ARHGAP26: variants seen among roughly 807,000 people sequenced by gnomAD.
The protein encoded by ARHGAP26 is Rho GTPase activating protein 26.
In ARHGAP26, 38 loss-of-function variants were observed where a neutral mutation model predicts 104.8. That is an observed-to-expected ratio of 0.36 (90% CI 0.28 to 0.48). ARHGAP26 has a LOEUF of 0.48. Among genes scored for constraint, ARHGAP26 ranks in the 20% least tolerant of loss-of-function variants. The probability of loss-of-function intolerance (pLI) is 0.99; values close to 1 mark genes in which losing one functional copy is unlikely to be tolerated. For synonymous variants in ARHGAP26, 341 were observed against 340.0 expected (o/e 1.00, Z -0.03); for missense variants, 704 against 947.9 (o/e 0.74, Z 3.38).
intron 20 of ARHGAP26, among the ~76,000 whole-genome samples, chr5:143,159,553 C>T (rs994959619): frequency 2.0e-5 from 3 of 152,190 alleles, no homozygotes; most frequent in Admixed American, 2.0e-4. Context: ...GATGGCACAT[C>T]AGCACCACAT....
chr5:143,213,413 A>C (rs7705435), intron 21 of ARHGAP26, among the ~76,000 whole-genome samples: 57,736 of 151,912 alleles, frequency 0.38, 13,284 homozygotes, highest in African/African-American at 0.65. Context: ...CACCTTGTCT[A>C]TTCCCTCCCC....
intron 11 of ARHGAP26, among the ~76,000 whole-genome samples, chr5:142,951,564 C>T (rs1768388744): frequency 2.0e-5 from 3 of 152,142 alleles, no homozygotes; most frequent in Admixed American, 1.3e-4. Flanking sequence ...AGCTAACTTT[C>T]AGGGCTTGAT....
intron 1 of ARHGAP26, among the ~76,000 whole-genome samples, chr5:142,793,086 T>G (rs972274016): frequency 2.0e-5 from 3 of 152,066 alleles, no homozygotes; most frequent in Non-Finnish European, 4.4e-5. Flanking sequence ...AATCCACTCC[T>G]GCCCTCGAGT....
At chr5:142,949,993 G>C (rs1165558480) in intron 11 of ARHGAP26, among the ~76,000 whole-genome samples, 1 of 152,248 alleles carries the variant, frequency 6.6e-6, no homozygotes, top group East Asian at 1.9e-4. Context: ...ATCCAGAAAA[G>C]TAATGGCACA....
At chr5:143,213,801 C>T (rs1368914466) in intron 21 of ARHGAP26, among the ~76,000 whole-genome samples, 196 bp from the exon 22 acceptor site, 1 of 152,192 alleles carries the variant, frequency 6.6e-6, no homozygotes, top group Non-Finnish European at 1.5e-5. Flanking sequence ...TGGCTTTTCT[C>T]TGAATATTTC....
chr5:143,187,257 CTG>C (rs1295184979), intron 20 of ARHGAP26, among the ~76,000 whole-genome samples: 4 of 152,298 alleles, frequency 2.6e-5, no homozygotes, highest in Non-Finnish European at 5.9e-5. Context: ...CTGCACTTAA[CTG>C]TTAATTCAGT....
chr5:143,120,414 C>G (rs1474964944), intron 17 of ARHGAP26, among the ~76,000 whole-genome samples: 1 of 152,158 alleles, frequency 6.6e-6, no homozygotes, highest in Non-Finnish European at 1.5e-5. Flanking sequence ...TCTGTTTATG[C>G]CCTGTTTCAC....
intron 20 of ARHGAP26, among the ~76,000 whole-genome samples, chr5:143,174,234 G>T (rs956764062): frequency 6.6e-6 from 1 of 152,184 alleles, no homozygotes. Flanking sequence ...GTATGTTGTT[G>T]TACATCTCCA....
chr5:143,024,949 C>T (rs1257989607), intron 12 of ARHGAP26, among the ~76,000 whole-genome samples: 7 of 152,132 alleles, frequency 4.6e-5, no homozygotes, highest in African/African-American at 1.7e-4. Context: ...GCCTCAGTTT[C>T]TTTGTCTGAA....
intron 11 of ARHGAP26, among the ~76,000 whole-genome samples, chr5:142,962,060 A>C (rs1770346303): frequency 6.6e-6 from 1 of 152,200 alleles, no homozygotes; most frequent in Non-Finnish European, 1.5e-5. Flanking sequence ...GACTGAGTTA[A>C]TGAGAAACTT....
At chr5:142,869,215 T>C (rs578206924) in intron 1 of ARHGAP26, among the ~76,000 whole-genome samples, 3 of 149,402 alleles carry the variant, frequency 2.0e-5, no homozygotes, top group Non-Finnish European at 1.5e-5. Flanking sequence ...TTTCTTTTTT[T>C]TTTTTTTTTG....
At chr5:143,157,458 G>A (rs1040999057) in intron 20 of ARHGAP26, among the ~76,000 whole-genome samples, 8 of 152,188 alleles carry the variant, frequency 5.3e-5, no homozygotes, top group Non-Finnish European at 1.0e-4. Flanking sequence ...GACTACAGGC[G>A]TGAGCCACCA....
Position 143,080,565 on chromosome 5 carries a change from A to T in ARHGAP26, c.1538+22818A>T, listed in dbSNP as rs141940546. Among the ~76,000 whole-genome samples, 340 of 152,354 alleles carry T rather than the reference A, an allele frequency of 2.2e-3. 1 individual carries two copies. The highest frequency in any genetic ancestry group is 7.8e-3 in the African/African-American group (326 of 41,578). ...GAAGGTTCCTCCAGGAAGAGGGAAC[A>T]GCAAGTGCAAAAACCCTGGGAAAGG... On this transcript the variant is annotated intron_variant, in intron 17 of 22. Transcript: ENST00000645722.
chr5:143,032,615 G>A (rs1782039729), intron 12 of ARHGAP26, among the ~76,000 whole-genome samples: 1 of 152,120 alleles, frequency 6.6e-6, no homozygotes, highest in Non-Finnish European at 1.5e-5. Context: ...CCTTTTAGTG[G>A]GAATTTGCTT....
chr5:142,988,032 T>G (rs1489806402), intron 11 of ARHGAP26, among the ~76,000 whole-genome samples: 1 of 152,212 alleles, frequency 6.6e-6, no homozygotes, highest in Non-Finnish European at 1.5e-5. Context: ...GAGGATTCCC[T>G]CTTTTTCTAT....
intron 11 of ARHGAP26, among the ~76,000 whole-genome samples, chr5:142,982,977 G>A (rs1267234156): frequency 6.6e-6 from 1 of 152,168 alleles, no homozygotes. Context: ...CTTGCATCTG[G>A]GGTTGGTGGT....
chr5:142,927,047 GA>G (rs1227767849), intron 10 of ARHGAP26, among the ~76,000 whole-genome samples: 4 of 152,100 alleles, frequency 2.6e-5, no homozygotes, highest in Admixed American at 6.5e-5. Flanking sequence ...GAGTAGCACA[GA>G]ATAGTTCAGT....
rs549705761 is a variant in ARHGAP26, at chr5:143,108,431, A to C, written c.1539-12557A>C. On this transcript the variant is annotated intron_variant, in intron 17 of 22. Transcript: ENST00000645722. ...GAGCATAAACTTTTCTGGACACCATACATTACTGTTTTTTTTCTGTCTTCT... is the reference window on the plus strand; with the variant it reads ...GAGCATAAACTTTTCTGGACACCATCCATTACTGTTTTTTTTCTGTCTTCT... Among the ~76,000 whole-genome samples, 101 of 152,356 alleles carry C rather than the reference A, an allele frequency of 6.6e-4. 2 individuals are homozygous for C. The South Asian group carries it at 0.013, about 19-fold the overall frequency.
chr5:143,153,918 A>G (rs1038641622), intron 20 of ARHGAP26, among the ~76,000 whole-genome samples: 35 of 152,314 alleles, frequency 2.3e-4, no homozygotes, highest in African/African-American at 8.2e-4. Flanking sequence ...CCTGGAATTC[A>G]AAGGATAAAC....
Sources: allele counts gnomAD v4.1 joint callset (sites outside exome capture counted in the v4.1 genomes callset), GRCh38; gene constraint gnomAD v4.1.1; transcripts MANE v1.5; gene names NCBI Gene and HGNC (gene_info 2026-07-23, HGNC 2026-07-21).